The following TRPM3 variants were observed in gnomAD, a reference collection of about 807,000 sequenced individuals.
The protein encoded by TRPM3 is long transient receptor potential channel 3.
In TRPM3, 77 loss-of-function variants were observed where a neutral mutation model predicts 181.2. The ratio of observed to expected loss-of-function variants is 0.42; its 90% CI spans 0.35 to 0.51. TRPM3 has a LOEUF of 0.51. Among genes scored for constraint, TRPM3 ranks in the 20% least tolerant of loss-of-function variants. TRPM3 has a pLI of 0.01. For missense variants in TRPM3, 1,759 were observed against 2,196.7 expected (o/e 0.80, Z 3.98); for synonymous variants, 745 against 796.4 (o/e 0.94, Z 1.09).
intron 1 of TRPM3, among the ~76,000 whole-genome samples, chr9:70,927,673 A>T (rs2096734271): frequency 6.6e-6 from 1 of 152,184 alleles, no homozygotes; most frequent in Non-Finnish European, 1.5e-5. Context: ...GCCTGCGCAC[A>T]GAGTCTGCAG....
chr9:70,862,971 G>A lies in TRPM3; in HGVS notation c.399C>T (p.Leu133=), dbSNP rs1285867995. The A allele has an allele frequency of 6.2e-7, 1 of 1,613,750 alleles. No individual in the cohort carries two copies. The highest frequency in any genetic ancestry group is 1.1e-5 in the South Asian group (1 of 91,072). ...EKWSISKHTQ[L]SPTDAFGTIE... ...TGGTCCCAAAAGCATCCGTAGGGCT[G>A]AGTTGAGTGTGTTTGCTGATGGACC... Residue 133 remains leucine (L), a synonymous_variant, in exon 3 of 26, where the codon CTC becomes CTT. Transcript: ENST00000677713.
intron 18 of TRPM3, among the ~76,000 whole-genome samples, chr9:70,611,252 A>ATTAG (rs1187847611): frequency 2.2e-4 from 33 of 150,792 alleles, no homozygotes; most frequent in Middle Eastern, 3.4e-3. Context: ...TGTGCCTGCA[A>ATTAG]TTAGTTAGGT....
chr9:71,420,722 AGAGAGAGAGAGAG>A (rs2093724248), intron 1 of TRPM3, among the ~76,000 whole-genome samples: 1 of 110,506 alleles, frequency 9.0e-6, no homozygotes, highest in Non-Finnish European at 1.9e-5. Context: ...AAAGAGAGAA[AGAGAGAGAGAGAG>A]AAAGAGAGAG....
intron 1 of TRPM3, among the ~76,000 whole-genome samples, chr9:71,315,092 T>G (rs2088431295): frequency 2.0e-5 from 3 of 152,118 alleles, no homozygotes; most frequent in Admixed American, 1.3e-4. Context: ...ACAGCATATC[T>G]GGTACATGGT....
At chr9:70,823,747 T>C (rs1483406354) in intron 6 of TRPM3, among the ~76,000 whole-genome samples, 1 of 152,256 alleles carries the variant, frequency 6.6e-6, no homozygotes, top group Non-Finnish European at 1.5e-5. Flanking sequence ...ACCTTAACCA[T>C]GACTGGTACT....
chr9:71,237,430 C>T (rs1470710406), intron 1 of TRPM3, among the ~76,000 whole-genome samples: 2 of 152,008 alleles, frequency 1.3e-5, no homozygotes, highest in East Asian at 3.9e-4. Flanking sequence ...CAGAAACCTG[C>T]TTTATTTTCC....
At chr9:70,912,844 G>A (rs2133170106) in intron 1 of TRPM3, among the ~76,000 whole-genome samples, 1 of 152,200 alleles carries the variant, frequency 6.6e-6, no homozygotes, top group African/African-American at 2.4e-5. Flanking sequence ...AGGTACAATT[G>A]ACATTCAATA....
At chr9:71,128,051 C>A (rs1232775714) in intron 1 of TRPM3, among the ~76,000 whole-genome samples, 1 of 152,130 alleles carries the variant, frequency 6.6e-6, no homozygotes, top group Non-Finnish European at 1.5e-5. Context: ...AAAAGCAAAG[C>A]AAAACAAAAC....
rs141643525 is a variant in TRPM3 at position 70,641,564 on chromosome 9, T to C, written c.1346-904A>G. Reference sequence around the variant, plus strand: ...CTTATTTTTCTCCAGATTCTGTCTCTAGAGCTGTGCGGTTCACAGGTGGCT... The same window carrying C: ...CTTATTTTTCTCCAGATTCTGTCTCCAGAGCTGTGCGGTTCACAGGTGGCT... On this transcript the variant is annotated intron_variant, in intron 9 of 25. Coordinates refer to ENST00000677713, the MANE Select transcript of TRPM3 (RefSeq NM_001366145.2). 9.4e-4 allele frequency among the ~76,000 whole-genome samples: 143 copies of C among 152,348 alleles called. 1 individual carries two copies. The highest frequency in any genetic ancestry group is 3.3e-3 in the African/African-American group (139 of 41,580).
chr9:71,378,828 T>C (rs2092725007), intron 1 of TRPM3, among the ~76,000 whole-genome samples: 1 of 152,172 alleles, frequency 6.6e-6, no homozygotes, highest in East Asian at 1.9e-4. Context: ...CCAGCCTTTA[T>C]ACTAAATACT....
intron 1 of TRPM3, among the ~76,000 whole-genome samples, chr9:71,290,534 ACT>A (rs111253762): frequency 0.058 from 8,802 of 152,068 alleles, 826 homozygotes; most frequent in African/African-American, 0.2. Context: ...GAAATAGGAG[ACT>A]CTCTAAAGAG....
intron 22 of TRPM3, among the ~76,000 whole-genome samples, chr9:70,581,323 T>A (rs972004078): frequency 3.9e-5 from 6 of 152,274 alleles, no homozygotes; most frequent in Admixed American, 6.5e-5. Flanking sequence ...TTAGGCCTGA[T>A]GTTCTAGATA....
chr9:70,796,641 TC>T (rs1173724703), intron 6 of TRPM3, among the ~76,000 whole-genome samples: 3 of 152,258 alleles, frequency 2.0e-5, no homozygotes, highest in African/African-American at 7.2e-5. Context: ...AAGAAAAACT[TC>T]TTATAGTGCC....
chr9:71,160,263 A>C (rs1371252118), intron 1 of TRPM3, among the ~76,000 whole-genome samples: 1 of 152,130 alleles, frequency 6.6e-6, no homozygotes, highest in East Asian at 1.9e-4. Flanking sequence ...CATTCAAATT[A>C]AAGTGTTATC....
At chr9:70,800,560 C>T (rs748484579) in intron 6 of TRPM3, among the ~76,000 whole-genome samples, 13 of 152,154 alleles carry the variant, frequency 8.5e-5, no homozygotes, top group African/African-American at 1.2e-4. Context: ...GCAAGACCAA[C>T]CCTCCTCTTC....
chr9:71,084,744 G>A (rs1439848836), intron 1 of TRPM3, among the ~76,000 whole-genome samples: 2 of 151,790 alleles, frequency 1.3e-5, no homozygotes, highest in Non-Finnish European at 2.9e-5. Flanking sequence ...AACTGTCGAT[G>A]TCATTTTTTG....
chr9:71,177,001 A>C (rs970165429), intron 1 of TRPM3, among the ~76,000 whole-genome samples: 2 of 152,198 alleles, frequency 1.3e-5, no homozygotes, highest in East Asian at 1.9e-4. Context: ...AAGAGAGCGA[A>C]GCTTCATCTG....
intron 1 of TRPM3, among the ~76,000 whole-genome samples, chr9:71,080,526 T>C (rs1234764170): frequency 6.6e-6 from 1 of 152,192 alleles, no homozygotes; most frequent in Admixed American, 6.5e-5. Context: ...ATGTGGATTC[T>C]GTGTTTGAGG....
chr9:71,301,786 A>G (rs539044086), intron 1 of TRPM3, among the ~76,000 whole-genome samples: 103 of 152,262 alleles, frequency 6.8e-4, no homozygotes, highest in African/African-American at 2.2e-3. Context: ...TTATTATTAT[A>G]AGAACTGTCT....
Sources: allele counts gnomAD v4.1 joint callset (sites outside exome capture counted in the v4.1 genomes callset), GRCh38; gene constraint gnomAD v4.1.1; transcripts MANE v1.5; gene names NCBI Gene and HGNC (gene_info 2026-07-23, HGNC 2026-07-21).